Variants in RBFOX1 observed in about 807,000 individuals in gnomAD.
The protein encoded by RBFOX1 is RNA binding fox-1 homolog 1, also known as RNA binding protein fox-1 homolog 1.
Under a neutral mutation model 57.7 loss-of-function variants are expected in RBFOX1, and 8 were observed. The ratio of observed to expected loss-of-function variants is 0.14; its 90% CI spans 0.08 to 0.25. RBFOX1 has a LOEUF of 0.25. Ranked by LOEUF, RBFOX1 falls within the 10% of genes least tolerant of loss-of-function variation. The probability of loss-of-function intolerance (pLI) is 1.00; values close to 1 mark genes in which losing one functional copy is unlikely to be tolerated. For synonymous variants in RBFOX1, 326 were observed against 222.4 expected, an observed-to-expected ratio of 1.47 and a Z score of -4.15; for missense variants, 611 against 548.5, an observed-to-expected ratio of 1.11 and a Z score of -1.14.
intron 3 of RBFOX1, among the ~76,000 whole-genome samples, chr16:6,690,499 T>C (rs1180237221): frequency 6.6e-6 from 1 of 152,136 alleles, no homozygotes; most frequent in Non-Finnish European, 1.5e-5. Flanking sequence ...TTAACCTATT[T>C]GTTTAAAAAA....
At chr16:5,663,471 C>G (rs2049725078) in intron 3 of RBFOX1, among the ~76,000 whole-genome samples, 1 of 151,942 alleles carries the variant, frequency 6.6e-6, no homozygotes, top group South Asian at 2.1e-4. Flanking sequence ...CCCGAAAATG[C>G]TGGTATTAAA....
At chr16:6,237,468 T>A (rs1299490950) in intron 1 of RBFOX1, among the ~76,000 whole-genome samples, 1 of 152,138 alleles carries the variant, frequency 6.6e-6, no homozygotes, top group Non-Finnish European at 1.5e-5. Context: ...CTTTCATCAG[T>A]TCTAAAACCA....
chr16:7,216,988 C>A (rs2092153545), intron 4 of RBFOX1, among the ~76,000 whole-genome samples: 1 of 136,954 alleles, frequency 7.3e-6, no homozygotes, highest in Non-Finnish European at 1.6e-5. Context: ...CAGGATTTTC[C>A]TTCCTTCCTC....
chr16:7,213,755 A>G (rs1603262981), intron 4 of RBFOX1, among the ~76,000 whole-genome samples: 1 of 152,350 alleles, frequency 6.6e-6, no homozygotes, highest in East Asian at 1.9e-4. Context: ...GTCATCATGA[A>G]TAACGGATAG....
In RBFOX1 at chr16:7,567,899, A is replaced by G. The variant is rs938779598; in HGVS notation, c.271-11878A>G. On this transcript the variant is annotated intron_variant, in intron 5 of 15. Transcript: ENST00000550418. ...TATATGCATATGTATACCTATGTAT[A>G]TATATATATCCATATATATGTATGG... Among the ~76,000 whole-genome samples the G allele has an allele frequency of 5.4e-4, 82 of 150,682 alleles. 1 individual carries two copies. Among genetic ancestry groups the G allele is most frequent in the African/African-American group, 1.5e-3 (61 of 41,130 alleles).
chr16:6,562,832 T>TTTTTCTTTC (rs760747430), intron 2 of RBFOX1, among the ~76,000 whole-genome samples: 2 of 75,984 alleles, frequency 2.6e-5, no homozygotes, highest in East Asian at 9.2e-4. Context: ...TTCTTGATTC[T>TTTTTCTTTC]TTTCTTTCTT....
Position 6,312,474 on chromosome 16 carries a change from C to T in RBFOX1, c.-126-4521C>T, listed in dbSNP as rs147460059. On this transcript the variant is annotated intron_variant, in intron 1 of 15. Coordinates refer to ENST00000550418, the MANE Select transcript of RBFOX1 (RefSeq NM_018723.4). Reference sequence around the variant, plus strand: ...GCAAATTCCTAGGAGAAAATTGAACCTAGATAGGGTGAGGTTTCGTCTGTT... The same window carrying T: ...GCAAATTCCTAGGAGAAAATTGAACTTAGATAGGGTGAGGTTTCGTCTGTT... Among the ~76,000 whole-genome samples, 279 of 152,180 alleles carry T rather than the reference C, an allele frequency of 1.8e-3. 1 individual carries two copies. Among genetic ancestry groups the T allele is most frequent in the Admixed American group, 3.9e-3 (59 of 15,278 alleles).
chr16:7,452,416 G>T (rs1401549648), intron 4 of RBFOX1, among the ~76,000 whole-genome samples: 3 of 152,220 alleles, frequency 2.0e-5, no homozygotes, highest in South Asian at 4.1e-4. Context: ...ATGGCCAGTT[G>T]CTTCATATTC....
rs538204670 is a variant in RBFOX1 at position 6,841,963 on chromosome 16, C to T, written c.-16+187313C>T. Among the ~76,000 whole-genome samples, 257 of 137,048 alleles carry T rather than the reference C, an allele frequency of 1.9e-3. 2 individuals are homozygous for T. Among genetic ancestry groups the T allele is most frequent in the African/African-American group, 7.0e-3 (238 of 34,128 alleles). The allele number at this position is 137,048 out of a possible 152,430, so 89.9% of individuals were successfully genotyped here. ...ACCATCCTGGCTAATACGGTGAAAC[C>T]CCGTCTCTATTAAAAAAAAAATACA... On this transcript the variant is annotated intron_variant, in intron 3 of 15. Coordinates refer to ENST00000550418, the MANE Select transcript of RBFOX1 (RefSeq NM_018723.4).
intron 4 of RBFOX1, among the ~76,000 whole-genome samples, chr16:7,460,471 T>C (rs1385771448): frequency 6.9e-6 from 1 of 145,712 alleles, no homozygotes; most frequent in Non-Finnish European, 1.5e-5. Flanking sequence ...ATCTAATATA[T>C]ATCTAATTAT....
At chr16:7,258,447 CT>C (rs1385144533) in intron 4 of RBFOX1, among the ~76,000 whole-genome samples, 1 of 152,070 alleles carries the variant, frequency 6.6e-6, no homozygotes, top group Admixed American at 6.6e-5. Flanking sequence ...CCTGTTTCAT[CT>C]TCTATATTCT....
At chr16:7,196,720 G>A (rs2086792645) in intron 4 of RBFOX1, among the ~76,000 whole-genome samples, 1 of 152,282 alleles carries the variant, frequency 6.6e-6, no homozygotes, top group East Asian at 1.9e-4. Context: ...CAGGAGTCAT[G>A]CTGCAAAGTG....
chr16:5,905,531 T>C (rs79031876), intron 4 of RBFOX1, among the ~76,000 whole-genome samples: 2 of 151,968 alleles, frequency 1.3e-5, no homozygotes, highest in Non-Finnish European at 2.9e-5. Flanking sequence ...GGAAAACATG[T>C]TGAAACCGAA....
At chr16:6,071,354 A>G (rs2095835762) in intron 1 of RBFOX1, among the ~76,000 whole-genome samples, 1 of 152,168 alleles carries the variant, frequency 6.6e-6, no homozygotes. Context: ...AGAAACGGTA[A>G]TGTAACCTTG....
intron 1 of RBFOX1, among the ~76,000 whole-genome samples, chr16:6,221,373 C>A (rs978770476): frequency 6.6e-6 from 1 of 152,112 alleles, no homozygotes; most frequent in Non-Finnish European, 1.5e-5. Context: ...TCTCTGGGTT[C>A]ATCTTCCTAA....
intron 1 of RBFOX1, among the ~76,000 whole-genome samples, chr16:6,220,758 G>C (rs770207251): frequency 6.7e-6 from 1 of 149,916 alleles, no homozygotes; most frequent in Non-Finnish European, 1.5e-5. Context: ...GAAAACAAAA[G>C]CATTCATCAC....
chr16:6,687,536 G>T (rs529024382), intron 3 of RBFOX1, among the ~76,000 whole-genome samples: 20 of 152,264 alleles, frequency 1.3e-4, no homozygotes, highest in Admixed American at 1.1e-3. Context: ...TAACAAACAT[G>T]TCCTGATATC....
intron 5 of RBFOX1, among the ~76,000 whole-genome samples, chr16:7,531,960 A>G (rs577966488): frequency 2.7e-3 from 404 of 152,220 alleles, no homozygotes; most frequent in Non-Finnish European, 4.5e-3. Flanking sequence ...CCTTCATACC[A>G]TTTGGCAAGC....
chr16:6,874,428 T>C (rs1351151878), intron 3 of RBFOX1, among the ~76,000 whole-genome samples: 4 of 147,828 alleles, frequency 2.7e-5, no homozygotes, highest in Non-Finnish European at 5.9e-5. Flanking sequence ...GAGAACTGCT[T>C]GAATCCAGGA....
Sources: allele counts gnomAD v4.1 joint callset (sites outside exome capture counted in the v4.1 genomes callset), GRCh38; gene constraint gnomAD v4.1.1; transcripts MANE v1.5; gene names NCBI Gene and HGNC (gene_info 2026-07-23, HGNC 2026-07-21).